Variants in PGM5 observed in about 807,000 individuals in gnomAD.
The protein encoded by PGM5 is phosphoglucomutase-like protein 5.
In PGM5, 23 loss-of-function variants were observed where a neutral mutation model predicts 59.2. That is an observed-to-expected ratio of 0.39 (90% CI 0.28 to 0.55). PGM5 has a LOEUF of 0.55. Among genes scored for constraint, PGM5 ranks in the 20% least tolerant of loss-of-function variants. The pLI is 0.66. For synonymous variants in PGM5, 214 were observed against 286.0 expected, an observed-to-expected ratio of 0.75 and a Z score of 2.54; for missense variants, 574 against 748.3, an observed-to-expected ratio of 0.77 and a Z score of 2.72.
chr9:68,501,123 T>G (rs184317733), intron 10 of PGM5, among the ~76,000 whole-genome samples: 48 of 152,252 alleles, frequency 3.2e-4, no homozygotes, highest in Admixed American at 1.0e-3. Flanking sequence ...CTTTGAAGGG[T>G]TGGCGAATCC....
chr9:68,423,655 GTCTCTCTC>G lies in PGM5; in HGVS notation c.1043+31202_1043+31209del, dbSNP rs111849049. ...TCTCTCTCTCTCTCTCTCTCTCTCT[GTCTCTCTC>G]TCTCTCTCTCTCTCTCTCTGCCTCC... On this transcript the variant is annotated intron_variant, in intron 6 of 10. Transcript: ENST00000396396. 5.7e-4 allele frequency among the ~76,000 whole-genome samples: 83 copies of G among 145,916 alleles called. 1 individual carries two copies. Among genetic ancestry groups the G allele is most frequent in the African/African-American group, 1.7e-3 (66 of 38,876 alleles).
intron 7 of PGM5, among the ~76,000 whole-genome samples, chr9:68,476,870 A>T (rs150185775): frequency 0.021 from 3,238 of 152,318 alleles, 49 homozygotes; most frequent in Middle Eastern, 0.034. Context: ...CACAGATTTA[A>T]CAGCATCTAA....
chr9:68,476,353 T>C lies in PGM5; in HGVS notation c.1160-3065T>C, dbSNP rs548640734. Among the ~76,000 whole-genome samples the C allele has an allele frequency of 2.6e-5, 4 of 152,328 alleles. 1 individual carries two copies. The East Asian group carries it at 7.7e-4, about 29-fold the overall frequency. On this transcript the variant is annotated intron_variant, in intron 7 of 10. Transcript: ENST00000396396. ...TCCATTGAGGTTTCTCTTTTTCTTA[T>C]TGACCTATGAAAACATTAAAAAAAT...
intron 6 of PGM5, among the ~76,000 whole-genome samples, chr9:68,417,110 C>A (rs563380817): frequency 6.6e-6 from 1 of 152,208 alleles, no homozygotes; most frequent in Non-Finnish European, 1.5e-5. Context: ...GCTGATAAGA[C>A]AAACACTCTC....
At chr9:68,450,130 G>A (rs1214280481) in intron 6 of PGM5, among the ~76,000 whole-genome samples, 1 of 152,098 alleles carries the variant, frequency 6.6e-6, no homozygotes. Context: ...TCAAAATTCA[G>A]CTATTAAAAT....
chr9:68,489,422 T>G (rs1824350414), intron 9 of PGM5, among the ~76,000 whole-genome samples: 1 of 141,416 alleles, frequency 7.1e-6, no homozygotes, highest in Non-Finnish European at 1.5e-5. Context: ...ATCCTAATCC[T>G]ATGTTGTTGT....
At chr9:68,413,502 A>G (rs643533) in intron 6 of PGM5, among the ~76,000 whole-genome samples, 148,576 of 152,276 alleles carry the variant, frequency 0.98, 72,605 homozygotes, top group East Asian at 1. Context: ...TTTCAGAATC[A>G]CTTACCTAGA....
At chr9:68,488,062 T>G (rs529499720) in intron 9 of PGM5, among the ~76,000 whole-genome samples, 1 of 152,286 alleles carries the variant, frequency 6.6e-6, no homozygotes, top group South Asian at 2.1e-4. Flanking sequence ...ATTGGTTAAA[T>G]AAAATTATTT....
chr9:68,443,568 C>G (rs943327737), intron 6 of PGM5, among the ~76,000 whole-genome samples: 16 of 152,204 alleles, frequency 1.1e-4, no homozygotes, highest in Non-Finnish European at 2.2e-4. Flanking sequence ...GTGCAGCTTG[C>G]GTACCACTTC....
At chr9:68,455,531 T>C (rs1333728371) in intron 6 of PGM5, among the ~76,000 whole-genome samples, 11 of 150,942 alleles carry the variant, frequency 7.3e-5, no homozygotes, top group African/African-American at 2.7e-4. Flanking sequence ...CAGGAAAGGT[T>C]TTGAGTTCTA....
intron 6 of PGM5, among the ~76,000 whole-genome samples, chr9:68,424,504 C>A (rs555089792): frequency 9.8e-5 from 15 of 152,288 alleles, no homozygotes; most frequent in African/African-American, 3.6e-4. Flanking sequence ...TAATCACCCC[C>A]AAAAGGTCCC....
chr9:68,393,283 A>G (rs1554679690), intron 6 of PGM5, among the ~76,000 whole-genome samples: 1 of 151,412 alleles, frequency 6.6e-6, no homozygotes, highest in South Asian at 2.1e-4. Flanking sequence ...TCCTTACTGT[A>G]TCTCTTTCTA....
At chr9:68,523,540 T>C (rs1564028982) in intron 10 of PGM5, among the ~76,000 whole-genome samples, 1 of 152,216 alleles carries the variant, frequency 6.6e-6, no homozygotes, top group Non-Finnish European at 1.5e-5. Flanking sequence ...CATTCAGGTT[T>C]AGCAGGTTTT....
intron 6 of PGM5, chr9:68,399,108 T>G (rs1243051936): frequency 1.7e-4 from 26 of 152,182 alleles, no homozygotes. Context: ...AGACCACACT[T>G]TAAGATCCTC....
At position 68,387,387 on chromosome 9, in the gene PGM5, A is replaced by G. The variant is rs781126027; in HGVS notation, c.572-76A>G. ...GACCAGAATTTCATGCTCTTAAGGT[A>G]GTGATTCTTTTTATGCTTCCAAGTA... On this transcript the variant is annotated intron_variant, in intron 3 of 10. Coordinates refer to ENST00000396396, the MANE Select transcript of PGM5 (RefSeq NM_021965.4). 5.3e-4 allele frequency: 638 copies of G among 1,206,176 alleles called. 1 individual carries two copies. The highest frequency in any genetic ancestry group is 7.0e-4 in the Non-Finnish European group (579 of 825,308). The allele number at this position is 1,206,176 out of a possible 1,614,324, so 74.7% of individuals were successfully genotyped here.
intron 9 of PGM5, 73 bp downstream of exon 9, chr9:68,484,121 G>T: frequency 1.5e-6 from 2 of 1,321,042 alleles, no homozygotes; most frequent in Non-Finnish European, 2.2e-6. Context: ...AACTGGAGAG[G>T]TCCTTAGGGA....
chr9:68,493,280 T>G (rs1824428926), intron 9 of PGM5, among the ~76,000 whole-genome samples: 1 of 152,318 alleles, frequency 6.6e-6, no homozygotes, highest in South Asian at 2.1e-4. Flanking sequence ...TTTTTAAAAT[T>G]AAAAAAATAG....
At chr9:68,464,774 T>A (rs892315613) in intron 6 of PGM5, among the ~76,000 whole-genome samples, 1 of 152,258 alleles carries the variant, frequency 6.6e-6, no homozygotes, top group South Asian at 2.1e-4. Context: ...CCTCTTAATT[T>A]AGATTCTGAT....
rs117540321 is a variant in PGM5, at chr9:68,505,059, G to C, written c.1614+5698G>C. The stretch of plus-strand genomic sequence containing the variant: ...AAATACATCCTTTATCTTATTCATC[G>C]TTCCAGTGGCCTCATGGCAGAATTA... On this transcript the variant is annotated intron_variant, in intron 10 of 10. Transcript: ENST00000396396. Among the ~76,000 whole-genome samples, 194 of 152,204 alleles carry C rather than the reference G, an allele frequency of 1.3e-3. 3 individuals are homozygous for C. The highest frequency in any genetic ancestry group is 2.2e-3 in the Admixed American group (34 of 15,288).
Sources: gnomAD v4.1 joint callset for allele counts (sites outside exome capture counted in the v4.1 genomes callset) on GRCh38, gnomAD v4.1.1 for gene constraint, MANE v1.5 for transcripts, NCBI Gene and HGNC (gene_info 2026-07-23, HGNC 2026-07-21) for gene names.